Variants in SEPTIN7 observed in about 807,000 individuals in gnomAD.
SEPTIN7 encodes the protein septin-7.
A neutral mutation model predicts 63.3 loss-of-function variants in SEPTIN7; 10 were observed. The observed-to-expected ratio is 0.16, with a 90% CI of 0.10 to 0.27. SEPTIN7 has a LOEUF of 0.27. Among genes scored for constraint, SEPTIN7 ranks in the 10% least tolerant of loss-of-function variants. The probability of loss-of-function intolerance (pLI) is 1.00; values close to 1 mark genes in which losing one functional copy is unlikely to be tolerated. For missense variants in SEPTIN7, 310 were observed against 521.0 expected (o/e 0.59, Z 3.94); for synonymous variants, 131 against 165.3 (o/e 0.79, Z 1.59).
At chr7:35,844,481 T>TA (rs1169530952) in intron 3 of SEPTIN7, among the ~76,000 whole-genome samples, 1 of 152,232 alleles carries the variant, frequency 6.6e-6, no homozygotes, top group Admixed American at 6.5e-5. Flanking sequence ...CAGCAGCTGT[T>TA]ACACTGAAAA....
the SEPTIN7 span, among the ~76,000 whole-genome samples, chr7:35,913,429 CTCTT>C: frequency 7.9e-5 from 12 of 151,768 alleles, no homozygotes; most frequent in South Asian, 2.1e-4. Context: ...CTTTTTCTCT[CTCTT>C]TCTTTCTTTC....
chr7:35,895,906 G>T (rs1472701312), intron 11 of SEPTIN7, among the ~76,000 whole-genome samples: 1 of 152,188 alleles, frequency 6.6e-6, no homozygotes, highest in African/African-American at 2.4e-5. Context: ...TGCCTCCTGG[G>T]TTCAAGCAAT....
In SEPTIN7 at chr7:35,906,437, A is replaced by C. The variant is rs1326764257; in HGVS notation, c.*2144A>C. 6 of 152,216 alleles carry C rather than the reference A, an allele frequency of 3.9e-5. No individual in the cohort carries two copies. The highest frequency in any genetic ancestry group is 9.6e-5 in the African/African-American group (4 of 41,454). 9.4% of individuals were successfully genotyped at this position (152,216 alleles called of 1,614,324 possible). A position where few individuals can be genotyped will look rare whatever the true frequency, so the allele number is the denominator to read the frequency against. On this transcript the variant is annotated 3_prime_UTR_variant, in exon 14 of 14. Coordinates refer to ENST00000350320, the MANE Select transcript of SEPTIN7 (RefSeq NM_001788.6). ...AGAAGATCATTCACAATACATGTAA[A>C]ATTCAGGTAGGCCTAAGGAAAGGCC... is the stretch of plus-strand genomic sequence containing the variant.
chr7:35,911,300 G>A (rs1189969694), downstream of SEPTIN7, among the ~76,000 whole-genome samples: 1 of 152,172 alleles, frequency 6.6e-6, no homozygotes, highest in Admixed American at 6.5e-5. Context: ...ATCAATCTTG[G>A]CTGGCAATAA....
rs571331649 is a variant in SEPTIN7, at chr7:35,898,473, T to G, written c.1134+90T>G. 9.6e-6 allele frequency: 8 copies of G among 830,812 alleles called. No homozygotes were observed. The South Asian group carries it at 1.9e-4, about 19-fold the overall frequency. 51.5% of individuals were successfully genotyped at this position (830,812 alleles called of 1,614,324 possible). ...AAAATTTATAGATAATATAACCTTT[T>G]TATACATATTTTTTCAAAATTAATA... On this transcript the variant is annotated intron_variant, in intron 12 of 13. Coordinates refer to ENST00000350320, the MANE Select transcript of SEPTIN7 (RefSeq NM_001788.6).
Position 35,880,208 on chromosome 7 carries a change from CT to C in SEPTIN7, c.630+277del, listed in dbSNP as rs1169840776. 2.8e-3 allele frequency among the ~76,000 whole-genome samples: 274 copies of C among 96,432 alleles called. 1 individual carries two copies. Among genetic ancestry groups the C allele is most frequent in the Admixed American group, 0.011 (114 of 10,576 alleles). The allele number at this position is 96,432 out of a possible 152,430, so 63.3% of individuals were successfully genotyped here. A position where few individuals can be genotyped will look rare whatever the true frequency, so the allele number is the denominator to read the frequency against. ...TCTTTTTTCTTTTCTCTTTTCTTTTCTTTTTTTTTCTTTTCTTTTTTTTTTT... is the reference window on the plus strand; with the variant it reads ...TCTTTTTTCTTTTCTCTTTTCTTTTCTTTTTTTTCTTTTCTTTTTTTTTTT... On this transcript the variant is annotated intron_variant, in intron 7 of 13. Coordinates refer to ENST00000350320, the MANE Select transcript of SEPTIN7 (RefSeq NM_001788.6).
intron 12 of SEPTIN7, chr7:35,898,596 TTAGG>T (rs1381141253): frequency 4.4e-6 from 2 of 451,616 alleles, no homozygotes; most frequent in East Asian, 3.3e-5. Flanking sequence ...ACGTAGTATA[TTAGG>T]TAGGACAGTG....
At chr7:35,812,490 A>G (rs1229164203) in intron 1 of SEPTIN7, among the ~76,000 whole-genome samples, 1 of 152,146 alleles carries the variant, frequency 6.6e-6, no homozygotes, top group East Asian at 1.9e-4. Context: ...CATCAACGTT[A>G]GTACTGGCCA....
At chr7:35,914,651 C>A in the SEPTIN7 span, among the ~76,000 whole-genome samples, 611 of 109,830 alleles carry the variant, frequency 5.6e-3, 6 homozygotes, top group African/African-American at 0.016. Flanking sequence ...CTCTCTCTCT[C>A]TCTCTCTCTA....
At chr7:35,912,657 C>T in the SEPTIN7 span, among the ~76,000 whole-genome samples, 4 of 152,166 alleles carry the variant, frequency 2.6e-5, no homozygotes, top group South Asian at 4.1e-4. Flanking sequence ...GCAGGTACAG[C>T]GGACCTTCCT....
At chr7:35,811,807 A>G (rs1788727029) in intron 1 of SEPTIN7, among the ~76,000 whole-genome samples, 2 of 152,176 alleles carry the variant, frequency 1.3e-5, no homozygotes, top group African/African-American at 4.8e-5. Context: ...GTGGATCATG[A>G]GGTCAGGAGT....
chr7:35,813,257 A>G (rs1788844831), intron 1 of SEPTIN7, among the ~76,000 whole-genome samples: 1 of 152,142 alleles, frequency 6.6e-6, no homozygotes. Flanking sequence ...CTGTACATAT[A>G]CTGCCTTATG....
At chr7:35,812,262 A>G (rs1162131116) in intron 1 of SEPTIN7, among the ~76,000 whole-genome samples, 1 of 151,926 alleles carries the variant, frequency 6.6e-6, no homozygotes, top group Non-Finnish European at 1.5e-5. Flanking sequence ...GTGTTAGTGC[A>G]TGGTGCTGTG....
chr7:35,850,977 T>A lies in SEPTIN7; in HGVS notation c.170-12575T>A, dbSNP rs1784928200. Among the ~76,000 whole-genome samples, 6 of 152,286 alleles carry A rather than the reference T, an allele frequency of 3.9e-5. No homozygotes were observed. In the South Asian group the frequency reaches 1.2e-3, roughly 32 times the overall value. On this transcript the variant is annotated intron_variant, in intron 3 of 13. Transcript: ENST00000350320. ...TTAAAGCAGGACTTCTCAGATTCTT[T>A]TATTATAAATACTGTGGGATCCCAA...
At chr7:35,850,974 C>A (rs1177632395) in intron 3 of SEPTIN7, among the ~76,000 whole-genome samples, 1 of 152,104 alleles carries the variant, frequency 6.6e-6, no homozygotes, top group Non-Finnish European at 1.5e-5. Flanking sequence ...TTCTCAGATT[C>A]TTTTATTATA....
In SEPTIN7 at chr7:35,904,441, C is replaced by G. The variant is rs1214985489; in HGVS notation, c.*148C>G. The stretch of plus-strand genomic sequence containing the variant: ...GACAAAAATTATTTTTTTTTTTGTT[C>G]TTGATGGAGATTAAGATGCCTTGAA... On this transcript the variant is annotated 3_prime_UTR_variant, in exon 14 of 14. Coordinates refer to ENST00000350320, the MANE Select transcript of SEPTIN7 (RefSeq NM_001788.6). 1.8e-6 allele frequency: 1 copy of G among 547,228 alleles called. No homozygotes were observed. Among genetic ancestry groups the G allele is most frequent in the African/African-American group, 2.0e-5 (1 of 50,112 alleles). 33.9% of individuals were successfully genotyped at this position (547,228 alleles called of 1,614,324 possible).
intron 1 of SEPTIN7, among the ~76,000 whole-genome samples, chr7:35,816,035 A>G (rs1051978949): frequency 6.6e-6 from 1 of 152,180 alleles, no homozygotes; most frequent in African/African-American, 2.4e-5. Flanking sequence ...ATAACAATTT[A>G]TGAAAGGTAG....
chr7:35,903,060 T>C lies in SEPTIN7; in HGVS notation c.1135-16T>C. 1 of 1,533,782 alleles carries C rather than the reference T, an allele frequency of 6.5e-7. No individual in the cohort carries two copies. Among genetic ancestry groups the C allele is most frequent in the Non-Finnish European group, 8.8e-7 (1 of 1,142,726 alleles). ...TTCTTAAATAGTTTTGTTTTATATA[T>C]TGTGCTATGATTTAGCTCCAGCGGC... On this transcript the variant is annotated splice_polypyrimidine_tract_variant and intron_variant, in intron 12 of 13. Coordinates refer to ENST00000350320, the MANE Select transcript of SEPTIN7 (RefSeq NM_001788.6).
intron 9 of SEPTIN7, 65 bp downstream of exon 9, chr7:35,884,052 TAGTA>T: frequency 1.0e-6 from 1 of 966,582 alleles, no homozygotes; most frequent in East Asian, 2.5e-5. Flanking sequence ...TTTGTATTTA[TAGTA>T]AGTAGTACAG....
Sources: allele counts gnomAD v4.1 joint callset (sites outside exome capture counted in the v4.1 genomes callset), GRCh38; gene constraint gnomAD v4.1.1; transcripts MANE v1.5; gene names NCBI Gene and HGNC (gene_info 2026-07-23, HGNC 2026-07-21).